Variants in NEFM observed in about 807,000 individuals in gnomAD.
NEFM encodes neurofilament medium chain.
A neutral mutation model predicts 48.1 loss-of-function variants in NEFM; 16 were observed. The ratio of observed to expected loss-of-function variants is 0.33; its 90% CI spans 0.23 to 0.51. The LOEUF (loss-of-function observed/expected upper bound fraction) is 0.51, where lower values mean the gene tolerates loss of function less well. Among genes scored for constraint, NEFM ranks in the 20% least tolerant of loss-of-function variants. The probability of loss-of-function intolerance (pLI) is 0.98; values close to 1 mark genes in which losing one functional copy is unlikely to be tolerated. For missense variants in NEFM, 1,107 were observed against 1,136.0 expected (o/e 0.97, Z 0.37); for synonymous variants, 465 against 456.9 (o/e 1.02, Z -0.23).
At chr8:24,915,029 T>C in intron 1 of NEFM, 156 bp downstream of exon 1, 1 of 1,390,840 alleles carries the variant, frequency 7.2e-7, no homozygotes, top group Non-Finnish European at 9.2e-7. Context: ...CGGATCAGCG[T>C]CCTCGCCCAT....
intron 2 of NEFM, among the ~76,000 whole-genome samples, chr8:24,916,854 G>C (rs1274635773): frequency 6.6e-6 from 1 of 152,160 alleles, no homozygotes; most frequent in African/African-American, 2.4e-5. Context: ...GCAACTGTCT[G>C]GCAGTCCAGG....
rs1563242283 is a variant in NEFM at position 24,914,792 on chromosome 8, G to C, written c.999G>C (p.Ser333=). 4.4e-6 allele frequency: 7 copies of C among 1,607,456 alleles called. No homozygotes were observed. The highest frequency in any genetic ancestry group is 4.2e-6 in the Non-Finnish European group (5 of 1,177,424). Residue 333 remains serine (S), a synonymous_variant, in exon 1 of 3, where the codon TCG becomes TCC. Transcript: ENST00000221166. The stretch of plus-strand genomic sequence containing the variant: ...AGTCCAAGAGCATCGAGCTAGAGTC[G>C]GTGCGCGGCACCAAGGAGTCCCTGG... The part of the protein sequence containing the change: ...QLQSKSIELE[S]VRGTKESLER...
At chr8:24,916,123 C>A (rs1802568917) in intron 2 of NEFM, among the ~76,000 whole-genome samples, 1 of 152,122 alleles carries the variant, frequency 6.6e-6, no homozygotes. Context: ...CCAGGACGTT[C>A]TATTTCTCTG....
chr8:24,914,408 G>C lies in NEFM; in HGVS notation c.615G>C (p.Ala205=), dbSNP rs761736935. The C allele has an allele frequency of 2.4e-5, 39 of 1,613,452 alleles. No individual in the cohort carries two copies. Among genetic ancestry groups the C allele is most frequent in the Non-Finnish European group, 3.2e-5 (38 of 1,180,006 alleles). ...LRDDTEAAIR[A]LRKDIEEASL... ...ACGACACTGAGGCGGCCATCCGCGC[G>C]CTGCGCAAAGACATCGAGGAGGCGT... Residue 205 remains alanine (A), a synonymous_variant, in exon 1 of 3, where the codon GCG becomes GCC. Transcript: ENST00000221166.
Position 24,913,964 on chromosome 8 carries a change from C to T in NEFM, c.171C>T (p.Leu57=). The T allele has an allele frequency of 6.2e-7, 1 of 1,606,688 alleles. No homozygotes were observed. Among genetic ancestry groups the T allele is most frequent in the Non-Finnish European group, 8.5e-7 (1 of 1,177,938 alleles). The part of the protein sequence containing the change: ...TVSSSYKRSM[L]APRLAYSSAM... ...CCTCCTCCTATAAGCGCAGCATGCT[C>T]GCCCCGCGCCTCGCTTACAGCTCGG... The change falls in exon 1 of 3, where the codon CTC becomes CTT. Residue 57 remains leucine, a synonymous_variant. Coordinates refer to ENST00000221166, the MANE Select transcript of NEFM (RefSeq NM_005382.2).
Position 24,917,496 on chromosome 8 carries a change from A to T in NEFM, c.1641A>T (p.Gln547His), listed in dbSNP as rs764555783. 6.4e-6 allele frequency: 10 copies of T among 1,554,914 alleles called. No homozygotes were observed. Among genetic ancestry groups the T allele is most frequent in the Non-Finnish European group, 7.0e-6 (8 of 1,148,716 alleles). ...AAGATGAGGGAGCTAAGTCAGACCA[A>T]GCCGAAGAGGGAGGATCCGAGAAGG... ...EEEDEGAKSD[Q>H]AEEGGSEKEG... The change falls in exon 3 of 3, where the codon CAA becomes CAT. Residue 547 changes from glutamine to histidine, a missense_variant. This residue lies in a region of NEFM where 917 missense variants were observed against 916.4 expected (regional missense o/e 1.00). Coordinates refer to ENST00000221166, the MANE Select transcript of NEFM (RefSeq NM_005382.2).
In NEFM at chr8:24,914,665, G is replaced by T. The variant is rs1187761822; in HGVS notation, c.872G>T (p.Trp291Leu). The change falls in exon 1 of 3, where the codon TGG (tryptophan) becomes TTG (leucine). Residue 291 changes from tryptophan to leucine, a missense_variant. Physicochemically the swap from Trp to Leu is moderately conservative, Grantham distance 61 (BLOSUM62 -2). Transcript: ENST00000221166. ...CAGAATATGCACCAGGCCGAAGAGT[G>T]GTTCAAATGCCGCTACGCCAAGCTC... ...SDQNMHQAEEWFKCRYAKLTE... is the reference protein window; with the variant it reads ...SDQNMHQAEELFKCRYAKLTE... The T allele has an allele frequency of 2.5e-6, 4 of 1,614,200 alleles. No homozygotes were observed. The South Asian group carries it at 4.4e-5, about 18-fold the overall frequency.
rs1417383202 is a variant in NEFM at position 24,918,229 on chromosome 8, G to A, written c.2374G>A (p.Ala792Thr). 1 of 1,562,350 alleles carries A rather than the reference G, an allele frequency of 6.4e-7. No individual in the cohort carries two copies. The highest frequency in any genetic ancestry group is 8.7e-7 in the Non-Finnish European group (1 of 1,153,282). Reference protein sequence around the residue: ...GSEEEGSDKGAKGSRKEDIAV... With the variant: ...GSEEEGSDKGTKGSRKEDIAV... Reference sequence around the variant, plus strand: ...TGAGGAGGAAGGGAGTGATAAAGGTGCCAAGGGATCCAGGAAGGAAGACAT... The same window carrying A: ...TGAGGAGGAAGGGAGTGATAAAGGTACCAAGGGATCCAGGAAGGAAGACAT... Residue 792 changes from alanine (A) to threonine (T), a missense_variant, in exon 3 of 3, where the codon GCC becomes ACC. Transcript: ENST00000221166.
chr8:24,918,202 A>C lies in NEFM; in HGVS notation c.2347A>C (p.Ser783Arg). The stretch of plus-strand genomic sequence containing the variant: ...GGAGAAAGCGGGAGGAGAGGGAGGA[A>C]GTGAGGAGGAAGGGAGTGATAAAGG... ...EKEKAGGEGGSEEEGSDKGAK... is the reference protein window; with the variant it reads ...EKEKAGGEGGREEEGSDKGAK... Residue 783 changes from serine (S) to arginine (R), a missense_variant, in exon 3 of 3, where the codon AGT becomes CGT. By Grantham distance (110) the Ser-to-Arg change is moderately radical. This residue lies in a region of NEFM where 917 missense variants were observed against 916.4 expected (regional missense o/e 1.00). Coordinates refer to ENST00000221166, the MANE Select transcript of NEFM (RefSeq NM_005382.2). 1 of 1,553,250 alleles carries C rather than the reference A, an allele frequency of 6.4e-7. No individual in the cohort carries two copies. The highest frequency in any genetic ancestry group is 8.7e-7 in the Non-Finnish European group (1 of 1,148,110).
In NEFM at chr8:24,914,389, C is replaced by G. The variant is rs149208396; in HGVS notation, c.596C>G (p.Thr199Ser). 1.1e-5 allele frequency: 17 copies of G among 1,613,496 alleles called. No homozygotes were observed. The African/African-American group carries it at 2.1e-4, about 20-fold the overall frequency. Residue 199 changes from threonine (T) to serine (S), a missense_variant, in exon 1 of 3, where the codon ACT (threonine) becomes AGT (serine). Thr to Ser is a moderately conservative substitution (Grantham distance 58, BLOSUM62 1). Transcript: ENST00000221166. ...GAGGAGGCGCGGTTGCGCGACGACACTGAGGCGGCCATCCGCGCGCTGCGC... is the reference window on the plus strand; with the variant it reads ...GAGGAGGCGCGGTTGCGCGACGACAGTGAGGCGGCCATCCGCGCGCTGCGC... Reference protein sequence around the residue: ...FEEEARLRDDTEAAIRALRKD... With the variant: ...FEEEARLRDDSEAAIRALRKD...
rs1406403880 is a variant in NEFM, at chr8:24,914,215, C to A, written c.422C>A (p.Ala141Asp). ...ATCCAGGCGCTGCGGCAGAAGCAGG[C>A]CTCGCACGCCCAGCTGGGCGACGCG... ...AEIQALRQKQASHAQLGDAYD... is the reference protein window; with the variant it reads ...AEIQALRQKQDSHAQLGDAYD... Residue 141 changes from alanine (A) to aspartate (D), a missense_variant, in exon 1 of 3, where the codon GCC (alanine) becomes GAC (aspartate). Transcript: ENST00000221166. 6.2e-7 allele frequency: 1 copy of A among 1,610,532 alleles called. No homozygotes were observed. Among genetic ancestry groups the A allele is most frequent in the South Asian group, 1.1e-5 (1 of 90,718 alleles).
In NEFM at chr8:24,914,828, C is replaced by T. The variant is rs1802548311; in HGVS notation, c.1035C>T (p.Leu345=). The change falls in exon 1 of 3, where the codon CTC becomes CTT. Residue 345 remains leucine, a synonymous_variant. Transcript: ENST00000221166. Reference sequence around the variant, plus strand: ...CCAAGGAGTCCCTGGAGCGGCAGCTCAGCGACATCGAGGAGCGCCACAACC... The same window carrying T: ...CCAAGGAGTCCCTGGAGCGGCAGCTTAGCGACATCGAGGAGCGCCACAACC... The part of the protein sequence containing the change: ...RGTKESLERQ[L]SDIEERHNHD... 3.8e-6 allele frequency: 6 copies of T among 1,599,884 alleles called. No homozygotes were observed. The highest frequency in any genetic ancestry group is 1.3e-5 in the African/African-American group (1 of 74,742).
In NEFM at chr8:24,914,264, G is replaced by A. The variant is rs888503296; in HGVS notation, c.471G>A (p.Leu157=). 1 of 1,611,864 alleles carries A rather than the reference G, an allele frequency of 6.2e-7. No homozygotes were observed. The highest frequency in any genetic ancestry group is 8.5e-7 in the Non-Finnish European group (1 of 1,179,220). ...GDAYDQEIRE[L]RATLEMVNHE... Reference sequence around the variant, plus strand: ...CGTACGACCAGGAGATCCGCGAGCTGCGCGCCACCCTGGAGATGGTGAACC... The same window carrying A: ...CGTACGACCAGGAGATCCGCGAGCTACGCGCCACCCTGGAGATGGTGAACC... Residue 157 remains leucine (L), a synonymous_variant, in exon 1 of 3, where the codon CTG becomes CTA. Coordinates refer to ENST00000221166, the MANE Select transcript of NEFM (RefSeq NM_005382.2).
chr8:24,917,443 G>C lies in NEFM; in HGVS notation c.1588G>C (p.Glu530Gln). 1 of 1,556,290 alleles carries C rather than the reference G, an allele frequency of 6.4e-7. No homozygotes were observed. The highest frequency in any genetic ancestry group is 8.7e-7 in the Non-Finnish European group (1 of 1,149,462). The change falls in exon 3 of 3, where the codon GAA becomes CAA. Residue 530 changes from glutamate (E) to glutamine (Q), a missense_variant. Around this residue, in one of 3 missense-constraint regions of NEFM, gnomAD observed 917 missense variants for 916.4 expected, o/e 1.00. Coordinates refer to ENST00000221166, the MANE Select transcript of NEFM (RefSeq NM_005382.2). ...VKEEEGEKEE[E>Q]EGQEEEEEED... is the part of the protein sequence containing the mutation. Reference sequence around the variant, plus strand: ...AGAAGAGGAAGGGGAAAAGGAGGAAGAAGAAGGCCAGGAAGAAGAGGAGGA... The same window carrying C: ...AGAAGAGGAAGGGGAAAAGGAGGAACAAGAAGGCCAGGAAGAAGAGGAGGA...
Position 24,914,202 on chromosome 8 carries a change from C to T in NEFM, c.409C>T (p.Arg137Trp). The change falls in exon 1 of 3, where the codon CGG becomes TGG. Residue 137 changes from arginine (R) to tryptophan (W), a missense_variant. Arg to Trp is a moderately radical substitution (Grantham distance 101). Transcript: ENST00000221166. ...GATTGAGGCGGAGATCCAGGCGCTG[C>T]GGCAGAAGCAGGCCTCGCACGCCCA... ...KEIEAEIQAL[R>W]QKQASHAQLG... 6.2e-7 allele frequency: 1 copy of T among 1,611,306 alleles called. No homozygotes were observed. The highest frequency in any genetic ancestry group is 8.5e-7 in the Non-Finnish European group (1 of 1,179,006).
rs1360943488 is a variant in NEFM at position 24,914,845 on chromosome 8, G to A, written c.1052G>A (p.Arg351His). The stretch of plus-strand genomic sequence containing the variant: ...CGGCAGCTCAGCGACATCGAGGAGC[G>A]CCACAACCACGACCTCAGCAGCTAC... ...LERQLSDIEE[R>H]HNHDLSSYQD... The change falls in exon 1 of 3, where the codon CGC becomes CAC. Residue 351 changes from arginine to histidine, a missense_variant. This residue lies in a region of NEFM where 917 missense variants were observed against 916.4 expected (regional missense o/e 1.00). Transcript: ENST00000221166. The A allele has an allele frequency of 1.3e-6, 2 of 1,596,646 alleles. No homozygotes were observed. Among genetic ancestry groups the A allele is most frequent in the Admixed American group, 1.7e-5 (1 of 57,548 alleles).
At chr8:24,916,669 G>A (rs1306507199) in intron 2 of NEFM, among the ~76,000 whole-genome samples, 1 of 152,114 alleles carries the variant, frequency 6.6e-6, no homozygotes, top group Non-Finnish European at 1.5e-5. Context: ...GAGTTTGGGG[G>A]CGTTTTGTTT....
At chr8:24,916,184 T>C (rs770150199) in intron 2 of NEFM, among the ~76,000 whole-genome samples, 2 of 152,186 alleles carry the variant, frequency 1.3e-5, no homozygotes, top group Non-Finnish European at 2.9e-5. Flanking sequence ...AGAATAGATA[T>C]AGAATGATAG....
intron 2 of NEFM, 138 bp downstream of exon 2, chr8:24,915,867 A>T: frequency 8.9e-7 from 1 of 1,127,902 alleles, no homozygotes; most frequent in Middle Eastern, 2.7e-4. Context: ...TTACTTAAAA[A>T]GAAATTATTC....
Sources: gnomAD v4.1 joint callset for allele counts (sites outside exome capture counted in the v4.1 genomes callset) on GRCh38, gnomAD v4.1.1 for gene constraint, gnomAD v4.1.1 regional missense constraint, MANE v1.5 for transcripts, NCBI Gene and HGNC (gene_info 2026-07-23, HGNC 2026-07-21) for gene names.